KIF2A: variants seen among roughly 807,000 people sequenced by gnomAD.
KIF2A encodes kinesin family member 2A.
In KIF2A, 22 loss-of-function variants were observed where a neutral mutation model predicts 100.2. The observed-to-expected ratio is 0.22, with a 90% confidence interval of 0.16 to 0.31. The LOEUF is 0.31. Among genes scored for constraint, KIF2A ranks in the 10% least tolerant of loss-of-function variants. KIF2A has a pLI of 1.00. For synonymous variants in KIF2A, 268 were observed against 285.9 expected (o/e 0.94, Z 0.63); for missense variants, 495 against 898.7 (o/e 0.55, Z 5.74).
At chr5:62,350,822 G>A (rs1445633141) in intron 4 of KIF2A, among the ~76,000 whole-genome samples, 2 of 151,576 alleles carry the variant, frequency 1.3e-5, no homozygotes, top group African/African-American at 4.8e-5. Flanking sequence ...TGAGGCAGGA[G>A]AATTGCTTGA....
chr5:62,335,722 A>G (rs938299378), intron 1 of KIF2A, among the ~76,000 whole-genome samples: 54 of 152,222 alleles, frequency 3.5e-4, no homozygotes, highest in African/African-American at 1.3e-3. Flanking sequence ...AGTGGGTATT[A>G]TTTTTAATTA....
intron 1 of KIF2A, among the ~76,000 whole-genome samples, chr5:62,338,158 G>A (rs1747075465): frequency 1.3e-5 from 2 of 152,176 alleles, no homozygotes; most frequent in Non-Finnish European, 2.9e-5. Context: ...CTTGAACTAT[G>A]ACACAGGTAG....
Position 62,387,800 on chromosome 5 carries a change from T to TG in KIF2A, c.*2232dup, listed in dbSNP as rs1742109416. ...TATTTGTTTAACAAAAGCAGCTTGATGCCTTTGTTCTGGATTATACATTAA... is the reference window on the plus strand; with the variant it reads ...TATTTGTTTAACAAAAGCAGCTTGATGGCCTTTGTTCTGGATTATACATTAA... On this transcript the variant is annotated 3_prime_UTR_variant, in exon 21 of 21. Transcript: ENST00000407818. 1.3e-5 allele frequency: 2 copies of TG among 152,166 alleles called. No individual in the cohort carries two copies. The highest frequency in any genetic ancestry group is 4.8e-5 in the African/African-American group (2 of 41,444). 9.4% of individuals were successfully genotyped at this position (152,166 alleles called of 1,614,324 possible).
intron 1 of KIF2A, among the ~76,000 whole-genome samples, chr5:62,346,120 A>G (rs1747552875): frequency 1.3e-5 from 2 of 152,030 alleles, no homozygotes; most frequent in African/African-American, 4.8e-5. Context: ...GATAAACATA[A>G]TGAAATATTA....
chr5:62,338,104 A>G (rs2111873607), intron 1 of KIF2A, among the ~76,000 whole-genome samples: 1 of 152,292 alleles, frequency 6.6e-6, no homozygotes, highest in Non-Finnish European at 1.5e-5. Context: ...CTATAATACT[A>G]AATGTAATTT....
chr5:62,365,861 A>G (rs1741040933), intron 15 of KIF2A, among the ~76,000 whole-genome samples: 1 of 152,138 alleles, frequency 6.6e-6, no homozygotes, highest in Admixed American at 6.5e-5. Flanking sequence ...TTTGCCTTGT[A>G]TAATATATGT....
At chr5:62,379,931 G>A (rs1195979761) in intron 19 of KIF2A, among the ~76,000 whole-genome samples, 2 of 152,080 alleles carry the variant, frequency 1.3e-5, no homozygotes, top group African/African-American at 4.8e-5. Flanking sequence ...TCGCTCTGTC[G>A]CCCAGGCTGG....
intron 1 of KIF2A, among the ~76,000 whole-genome samples, chr5:62,324,302 T>C (rs139780953): frequency 0.022 from 3,278 of 152,310 alleles, 56 homozygotes; most frequent in Middle Eastern, 0.044. Context: ...AATTTACAGA[T>C]TCAATGCTAT....
intron 1 of KIF2A, among the ~76,000 whole-genome samples, chr5:62,345,342 T>A (rs1747503596): frequency 6.6e-6 from 1 of 150,972 alleles, no homozygotes; most frequent in South Asian, 2.1e-4. Flanking sequence ...GAGCTGAGAT[T>A]GCTCCACTGC....
intron 16 of KIF2A, among the ~76,000 whole-genome samples, chr5:62,367,223 G>A (rs902890506): frequency 1.3e-5 from 2 of 152,012 alleles, no homozygotes; most frequent in African/African-American, 4.8e-5. Flanking sequence ...TAGGATTTGA[G>A]TAAGAAGTGA....
rs1742283104 is a variant in KIF2A at position 62,390,930 on chromosome 5, C to T, written c.*5361C>T. On this transcript the variant is annotated 3_prime_UTR_variant, in exon 21 of 21. Coordinates refer to ENST00000407818, the MANE Select transcript of KIF2A (RefSeq NM_001098511.3). ...GGCCCGTTTGTCACTAAAACCTGTG[C>T]TGGTTAGGATTTGCTGTATTTTATC... 1 of 1,612,296 alleles carries T rather than the reference C, an allele frequency of 6.2e-7. No homozygotes were observed. The highest frequency in any genetic ancestry group is 1.3e-5 in the African/African-American group (1 of 74,844).
At chr5:62,327,547 A>G (rs1746439283) in intron 1 of KIF2A, among the ~76,000 whole-genome samples, 1 of 152,244 alleles carries the variant, frequency 6.6e-6, no homozygotes, top group Non-Finnish European at 1.5e-5. Flanking sequence ...CCTACTTCAT[A>G]TCTCCACTGG....
chr5:62,320,053 C>G (rs901404120), intron 1 of KIF2A, among the ~76,000 whole-genome samples: 4 of 152,114 alleles, frequency 2.6e-5, no homozygotes, highest in African/African-American at 9.7e-5. Context: ...ATATCTCTAT[C>G]TACATGTAGT....
At chr5:62,360,885 GT>G (rs959874175) in intron 9 of KIF2A, among the ~76,000 whole-genome samples, 19 of 151,898 alleles carry the variant, frequency 1.3e-4, no homozygotes, top group African/African-American at 4.3e-4. Context: ...TATTTTTGCA[GT>G]TTTTTTCCTC....
chr5:62,306,576 G>C (rs1215751775), intron 1 of KIF2A, 40 bp downstream of exon 1: 3 of 1,503,030 alleles, frequency 2.0e-6, no homozygotes, highest in Non-Finnish European at 1.8e-6. Context: ...GCTCGGCCCC[G>C]TGTTCGGGTG....
intron 16 of KIF2A, among the ~76,000 whole-genome samples, chr5:62,367,558 C>T (rs1489167622): frequency 6.6e-6 from 1 of 152,116 alleles, no homozygotes; most frequent in Admixed American, 6.5e-5. Context: ...TGAGCCACCC[C>T]GCCTGGCCCT....
At chr5:62,330,562 G>T (rs113047244) in intron 1 of KIF2A, among the ~76,000 whole-genome samples, 15 of 152,090 alleles carry the variant, frequency 9.9e-5, no homozygotes, top group African/African-American at 3.6e-4. Flanking sequence ...AAACAACATT[G>T]TTCTGCCAGA....
At chr5:62,326,490 C>T (rs534544505) in intron 1 of KIF2A, among the ~76,000 whole-genome samples, 12 of 152,102 alleles carry the variant, frequency 7.9e-5, no homozygotes, top group African/African-American at 2.7e-4. Flanking sequence ...GCATCTGTGC[C>T]TATATGACTG....
At chr5:62,324,685 C>T (rs1256595914) in intron 1 of KIF2A, among the ~76,000 whole-genome samples, 1 of 152,202 alleles carries the variant, frequency 6.6e-6, no homozygotes, top group African/African-American at 2.4e-5. Context: ...GGACCCCTTC[C>T]TTTCACCATA....
Sources: allele counts gnomAD v4.1 joint callset (sites outside exome capture counted in the v4.1 genomes callset), GRCh38; gene constraint gnomAD v4.1.1; transcripts MANE v1.5; gene names NCBI Gene and HGNC (gene_info 2026-07-23, HGNC 2026-07-21).